The following TEX11 variants were observed in gnomAD, a reference collection of about 807,000 sequenced individuals.
TEX11 encodes the protein testis expressed 11, also known as testis-expressed protein 11.
A neutral mutation model predicts 84.4 loss-of-function variants in TEX11; 7 were observed. The ratio of observed to expected loss-of-function variants is 0.08; its 90% CI spans 0.05 to 0.16. The LOEUF (loss-of-function observed/expected upper bound fraction) is 0.16, where lower values mean the gene tolerates loss of function less well. Ranked by LOEUF, TEX11 falls within the 10% of genes least tolerant of loss-of-function variation. The pLI is 1.00. For synonymous variants in TEX11, 264 were observed against 222.8 expected (o/e 1.18, Z -1.64); for missense variants, 551 against 660.5 (o/e 0.83, Z 1.82).
chrX:70,770,268 C>A (rs768980088), intron 9 of TEX11, among the ~76,000 whole-genome samples: 1 of 112,077 alleles, frequency 8.9e-6, no homozygotes, highest in South Asian at 3.7e-4. Context: ...TTTATAATTT[C>A]TTTGTTATTT....
chrX:70,865,434 C>T (rs1394879497), intron 4 of TEX11, among the ~76,000 whole-genome samples: 1 of 111,416 alleles, frequency 9.0e-6, no homozygotes. Flanking sequence ...AACTCCCACA[C>T]AATAATAGCG....
chrX:70,632,461 G>A (rs2089521896), intron 17 of TEX11, among the ~76,000 whole-genome samples: 1 of 111,242 alleles, frequency 9.0e-6, no homozygotes, highest in Non-Finnish European at 1.9e-5. Context: ...GTTTTAAAAT[G>A]AGCTAGGTGT....
intron 11 of TEX11, among the ~76,000 whole-genome samples, chrX:70,727,305 T>G (rs2090606913): frequency 9.0e-6 from 1 of 111,681 alleles, no homozygotes; most frequent in Admixed American, 9.5e-5. Context: ...GATAATGTAC[T>G]CATTTCTAGT....
At chrX:70,730,599 C>A (rs1212261258) in intron 11 of TEX11, among the ~76,000 whole-genome samples, 1 of 111,881 alleles carries the variant, frequency 8.9e-6, no homozygotes, top group Non-Finnish European at 1.9e-5. Context: ...ACAAGAAGAG[C>A]TAACTATCCT....
intron 9 of TEX11, among the ~76,000 whole-genome samples, chrX:70,777,050 T>A (rs191234692): frequency 0.072 from 7,716 of 107,217 alleles, 587 homozygotes; most frequent in African/African-American, 0.22. Flanking sequence ...TATTATTATT[T>A]TTTTTTTTGT....
At chrX:70,511,752 CAAAAAAAAAAAA>C in the TEX11 span, among the ~76,000 whole-genome samples, 13,187 of 32,747 alleles carry the variant, frequency 0.4, 1,995 homozygotes, top group South Asian at 0.64. Context: ...GACTCCATCT[CAAAAAAAAAAAA>C]AAAAAAAAAA....
chrX:70,889,598 C>A (rs751547984), intron 2 of TEX11, among the ~76,000 whole-genome samples: 2 of 110,798 alleles, frequency 1.8e-5, no homozygotes, highest in African/African-American at 6.6e-5. Context: ...AGAAATAGTA[C>A]AATAAGATAT....
At chrX:70,799,092 CT>C (rs1395963345) in intron 9 of TEX11, among the ~76,000 whole-genome samples, 1 of 111,506 alleles carries the variant, frequency 9.0e-6, no homozygotes, top group Non-Finnish European at 1.9e-5. Context: ...CCTCAAAAAA[CT>C]TTTGGAAAAA....
At chrX:70,708,512 G>C (rs12687439) in intron 13 of TEX11, among the ~76,000 whole-genome samples, 7,721 of 111,288 alleles carry the variant, frequency 0.069, 565 homozygotes, top group African/African-American at 0.21. Context: ...GTTCATCACT[G>C]TGCTATTCAC....
intron 7 of TEX11, among the ~76,000 whole-genome samples, chrX:70,844,588 G>A (rs1196883017): frequency 9.1e-6 from 1 of 109,723 alleles, no homozygotes; most frequent in Non-Finnish European, 1.9e-5. Context: ...TTGTGCACAT[G>A]TACCCTAAAA....
At chrX:70,712,740 G>A (rs1480713423) in intron 13 of TEX11, among the ~76,000 whole-genome samples, 3 of 110,579 alleles carry the variant, frequency 2.7e-5, no homozygotes, top group South Asian at 7.8e-4. Flanking sequence ...CTGCAAACAG[G>A]GACAATTTGA....
chrX:70,640,678 A>C (rs1843295354), intron 17 of TEX11, among the ~76,000 whole-genome samples: 1 of 108,462 alleles, frequency 9.2e-6, no homozygotes, highest in Non-Finnish European at 1.9e-5. Context: ...TAAGCTTCAT[A>C]AGTGAAGGAG....
chrX:70,579,790 A>G (rs2088745201), intron 25 of TEX11, among the ~76,000 whole-genome samples: 1 of 112,315 alleles, frequency 8.9e-6, no homozygotes, highest in African/African-American at 3.2e-5. Context: ...CCAAAACTAC[A>G]GTGAGATATT....
At chrX:70,692,525 T>C (rs1431728134) in intron 13 of TEX11, among the ~76,000 whole-genome samples, 1 of 111,235 alleles carries the variant, frequency 9.0e-6, no homozygotes, top group Non-Finnish European at 1.9e-5. Flanking sequence ...AATCACACAG[T>C]ATTTGTCTTG....
chrX:70,686,184 C>T (rs2147663103), intron 13 of TEX11, among the ~76,000 whole-genome samples: 1 of 111,914 alleles, frequency 8.9e-6, no homozygotes, highest in African/African-American at 3.2e-5. Flanking sequence ...AATCCCATTA[C>T]TGGGTATATA....
At chrX:70,565,488 T>C (rs1603072795) in intron 25 of TEX11, among the ~76,000 whole-genome samples, 2 of 110,850 alleles carry the variant, frequency 1.8e-5, no homozygotes, top group East Asian at 5.6e-4. Context: ...CATGCCTATG[T>C]CCTGAATGGT....
intron 11 of TEX11, among the ~76,000 whole-genome samples, chrX:70,734,506 G>C (rs752445674): frequency 2.7e-5 from 3 of 111,528 alleles, no homozygotes; most frequent in African/African-American, 9.8e-5. Context: ...TGAGCAAACT[G>C]TGTTTAACAG....
intron 13 of TEX11, among the ~76,000 whole-genome samples, chrX:70,686,944 G>A (rs1231753677): frequency 9.0e-6 from 1 of 111,309 alleles, no homozygotes; most frequent in African/African-American, 3.3e-5. Flanking sequence ...AAAAAAAGAA[G>A]TACCTTATTT....
rs188779124 is a variant in TEX11 at position 70,767,779 on chromosome X, G to A, written c.693-23560C>T. 3.6e-5 allele frequency among the ~76,000 whole-genome samples: 4 copies of A among 111,928 alleles called. No homozygotes were observed. In the Admixed American group the frequency reaches 3.8e-4, roughly 11 times the overall value. ...AAATGTGGTACATTTATACAGTGGA[G>A]TCTTATTTAGCCATAAAAAAGAGTG... is the stretch of plus-strand genomic sequence containing the variant. On this transcript the variant is annotated intron_variant, in intron 9 of 29. Transcript: ENST00000374333.
Sources: gnomAD v4.1 joint callset for allele counts (sites outside exome capture counted in the v4.1 genomes callset) on GRCh38, gnomAD v4.1.1 for gene constraint, MANE v1.5 for transcripts, NCBI Gene and HGNC (gene_info 2026-07-23, HGNC 2026-07-21) for gene names.